Variants in MTAP observed in about 807,000 individuals in gnomAD.
The protein encoded by MTAP is S-methyl-5'-thioadenosine phosphorylase.
Under a neutral mutation model 33.6 loss-of-function variants are expected in MTAP, and 33 were observed. That is an observed-to-expected ratio of 0.98 (90% CI 0.74 to 1.31). The LOEUF is 1.31. Among genes scored for constraint, MTAP ranks in the 40% most tolerant of loss-of-function variants. MTAP has a pLI of 0.00. For synonymous variants in MTAP, 148 were observed against 125.7 expected (o/e 1.18, Z -1.19); for missense variants, 367 against 360.0 (o/e 1.02, Z -0.16).
At chr9:21,883,550 A>C (rs1045111093) in intron 1 of MTAP, among the ~76,000 whole-genome samples, 1 of 152,066 alleles carries the variant, frequency 6.6e-6, no homozygotes, top group Non-Finnish European at 1.5e-5. Context: ...CAATAGCCTA[A>C]ACATGGAACT....
rs757016705 is a variant in MTAP at position 21,807,442 on chromosome 9, C to A, written c.33+4661C>A. On this transcript the variant is annotated intron_variant, in intron 1 of 7. Coordinates refer to ENST00000644715, the MANE Select transcript of MTAP (RefSeq NM_002451.4). Reference sequence around the variant, plus strand: ...AGTTGAAAATCACATGACCAACAAGCCTTCATTTTTTTTGCCTAGGGACAC... The same window carrying A: ...AGTTGAAAATCACATGACCAACAAGACTTCATTTTTTTTGCCTAGGGACAC... 6.6e-5 allele frequency among the ~76,000 whole-genome samples: 10 copies of A among 152,144 alleles called. No individual in the cohort carries two copies. The East Asian group carries it at 1.9e-3, about 29-fold the overall frequency.
intron 5 of MTAP, among the ~76,000 whole-genome samples, chr9:21,849,848 T>C (rs1206181038): frequency 1.3e-5 from 2 of 152,198 alleles, no homozygotes; most frequent in African/African-American, 4.8e-5. Context: ...CCAGATGTGA[T>C]TTCATTGCTT....
intron 4 of MTAP, among the ~76,000 whole-genome samples, chr9:21,822,794 C>G (rs1824679962): frequency 6.6e-6 from 1 of 152,046 alleles, no homozygotes; most frequent in African/African-American, 2.4e-5. Flanking sequence ...TAAGGACTTG[C>G]TTTATGAATC....
intron 1 of MTAP, among the ~76,000 whole-genome samples, chr9:21,913,717 G>A (rs1003480328): frequency 6.6e-6 from 1 of 152,100 alleles, no homozygotes; most frequent in East Asian, 1.9e-4. Context: ...CATAGGCATG[G>A]GCAAGGACTT....
chr9:21,871,357 G>T (rs1026992045), downstream of MTAP, among the ~76,000 whole-genome samples: 5 of 152,136 alleles, frequency 3.3e-5, no homozygotes, highest in African/African-American at 1.2e-4. Context: ...CCTTTTGTAA[G>T]TTGTCCCTCC....
At chr9:21,885,945 A>C (rs1324377323) in intron 1 of MTAP, among the ~76,000 whole-genome samples, 2 of 151,778 alleles carry the variant, frequency 1.3e-5, no homozygotes, top group Non-Finnish European at 2.9e-5. Flanking sequence ...TCATATAATG[A>C]CTTCTTTTCC....
intron 5 of MTAP, among the ~76,000 whole-genome samples, chr9:21,846,003 C>T (rs896912089): frequency 6.6e-6 from 1 of 152,088 alleles, no homozygotes. Context: ...AAAACAAAAA[C>T]ATACACTGAG....
At chr9:21,927,531 A>C (rs1370544785) in intron 1 of MTAP, among the ~76,000 whole-genome samples, 1 of 152,228 alleles carries the variant, frequency 6.6e-6, no homozygotes, top group East Asian at 1.9e-4. Context: ...GAACACATTC[A>C]TGTTGTGAGA....
At chr9:21,890,523 C>T (rs565971659) in intron 1 of MTAP, among the ~76,000 whole-genome samples, 9 of 152,298 alleles carry the variant, frequency 5.9e-5, no homozygotes, top group African/African-American at 2.2e-4. Context: ...GTTTTCTTCT[C>T]TCTGTGGTTC....
intron 1 of MTAP, among the ~76,000 whole-genome samples, chr9:21,808,289 GACAACAC>G (rs1329219005): frequency 6.6e-6 from 1 of 152,000 alleles, no homozygotes; most frequent in Non-Finnish European, 1.5e-5. Flanking sequence ...AGTGGCTTAA[GACAACAC>G]ACATGAGGCC....
chr9:21,878,491 A>G (rs939532298), intron 1 of MTAP, among the ~76,000 whole-genome samples: 4 of 151,806 alleles, frequency 2.6e-5, no homozygotes, highest in African/African-American at 7.3e-5. Flanking sequence ...TTTTTATTCT[A>G]TTTATTTATT....
intron 1 of MTAP, chr9:21,930,890 G>A (rs1818947133): frequency 3.2e-6 from 2 of 630,626 alleles, no homozygotes; most frequent in East Asian, 2.7e-5. Flanking sequence ...CCTGGAAATG[G>A]GATCTTCCCT....
intron 1 of MTAP, among the ~76,000 whole-genome samples, chr9:21,809,767 T>C (rs1824299356): frequency 6.6e-6 from 1 of 152,208 alleles, no homozygotes; most frequent in South Asian, 2.1e-4. Context: ...TCAGAATCCC[T>C]GAGGCCTGGG....
At chr9:21,825,103 C>T (rs896060420) in intron 4 of MTAP, among the ~76,000 whole-genome samples, 2 of 152,140 alleles carry the variant, frequency 1.3e-5, no homozygotes, top group African/African-American at 4.8e-5. Flanking sequence ...GCTGCACCCG[C>T]TCTCCGGCAC....
intron 4 of MTAP, among the ~76,000 whole-genome samples, chr9:21,832,567 T>A (rs1824995533): frequency 6.6e-6 from 1 of 152,234 alleles, no homozygotes; most frequent in African/African-American, 2.4e-5. Flanking sequence ...TTCCTTCACC[T>A]TCCCTTTCCC....
At chr9:21,847,999 T>C (rs1409525899) in intron 5 of MTAP, among the ~76,000 whole-genome samples, 2 of 152,132 alleles carry the variant, frequency 1.3e-5, no homozygotes, top group East Asian at 3.9e-4. Flanking sequence ...GTTTGAAAAC[T>C]CTGATGAACC....
intron 1 of MTAP, among the ~76,000 whole-genome samples, chr9:21,810,745 G>C (rs1824324712): frequency 6.6e-6 from 1 of 152,172 alleles, no homozygotes; most frequent in Non-Finnish European, 1.5e-5. Context: ...CACATTCTGA[G>C]GTACTGAGAG....
At chr9:21,935,745 GT>G (rs1158013513), downstream of MTAP, 5 of 152,212 alleles carry the variant, frequency 3.3e-5, no homozygotes, top group East Asian at 7.7e-4. Flanking sequence ...GGAAGACTTA[GT>G]TTTAGTTAGT....
At chr9:21,861,793 T>G (rs1439908107) in intron 7 of MTAP, 183 bp from the exon 8 acceptor site, 9 of 610,630 alleles carry the variant, frequency 1.5e-5, no homozygotes, top group Non-Finnish European at 2.7e-5. Flanking sequence ...ACCAAGAGTT[T>G]AGAGTACCCG....
Sources: allele counts gnomAD v4.1 joint callset (sites outside exome capture counted in the v4.1 genomes callset), GRCh38; gene constraint gnomAD v4.1.1; transcripts MANE v1.5; gene names NCBI Gene and HGNC (gene_info 2026-07-23, HGNC 2026-07-21).